SUGCT: variants seen among roughly 807,000 people sequenced by gnomAD.
SUGCT encodes succinyl-CoA:glutarate CoA-transferase.
A neutral mutation model predicts 55.0 loss-of-function variants in SUGCT; 41 were observed. The observed-to-expected ratio is 0.74, with a 90% CI of 0.58 to 0.97. SUGCT has a LOEUF of 0.97. Among genes scored for constraint, SUGCT ranks in the 50% least tolerant of loss-of-function variants. SUGCT has a pLI of 0.00. For missense variants in SUGCT, 568 were observed against 547.8 expected (o/e 1.04, Z -0.37); for synonymous variants, 187 against 200.4 (o/e 0.93, Z 0.56).
chr7:40,961,157 C>T, the SUGCT span, among the ~76,000 whole-genome samples: 1 of 152,220 alleles, frequency 6.6e-6, no homozygotes, highest in African/African-American at 2.4e-5. Context: ...CTTTAAATCA[C>T]ATAGTGGATT....
chr7:40,936,744 C>T, the SUGCT span, among the ~76,000 whole-genome samples: 1 of 151,814 alleles, frequency 6.6e-6, no homozygotes. Flanking sequence ...CCATAAATCT[C>T]TCTCTTAATT....
intron 6 of SUGCT, among the ~76,000 whole-genome samples, chr7:40,233,272 TG>T (rs1357435295): frequency 6.6e-6 from 1 of 151,980 alleles, no homozygotes; most frequent in Non-Finnish European, 1.5e-5. Flanking sequence ...CAGGCTGGAG[TG>T]CAATGGCACG....
chr7:40,217,338 G>GTGGCTCGGACTAC, intron 6 of SUGCT: 1 of 363,880 alleles, frequency 2.7e-6, no homozygotes, highest in South Asian at 2.0e-5. Flanking sequence ...AGCTTCCCAA[G>GTGGCTCGGACTAC]TGGCTCGGAC....
chr7:40,526,438 A>G (rs1187835474), intron 12 of SUGCT, among the ~76,000 whole-genome samples: 2 of 152,188 alleles, frequency 1.3e-5, no homozygotes, highest in Non-Finnish European at 2.9e-5. Flanking sequence ...AATGTACTTC[A>G]TACTTTAATA....
chr7:40,986,094 C>T, the SUGCT span, among the ~76,000 whole-genome samples: 4 of 152,168 alleles, frequency 2.6e-5, no homozygotes, highest in Non-Finnish European at 5.9e-5. Flanking sequence ...ATTTTGTCCT[C>T]TAGCCCATAA....
At chr7:40,789,680 A>T (rs1193421571) in intron 13 of SUGCT, among the ~76,000 whole-genome samples, 3 of 152,196 alleles carry the variant, frequency 2.0e-5, no homozygotes, top group Non-Finnish European at 2.9e-5. Context: ...CTTGAGAGAG[A>T]AAAAGCCTTA....
intron 9 of SUGCT, among the ~76,000 whole-genome samples, chr7:40,318,913 T>C (rs1795577903): frequency 6.6e-6 from 1 of 152,224 alleles, no homozygotes. Context: ...TATATAGACC[T>C]CAGCTATTCC....
At chr7:40,374,941 A>G (rs577878931) in intron 9 of SUGCT, among the ~76,000 whole-genome samples, 1 of 151,954 alleles carries the variant, frequency 6.6e-6, no homozygotes, top group East Asian at 1.9e-4. Context: ...TTGTCCCCCA[A>G]CTCCACTCCC....
the SUGCT span, among the ~76,000 whole-genome samples, chr7:40,890,884 G>C: frequency 4.3e-3 from 647 of 152,224 alleles, 5 homozygotes; most frequent in African/African-American, 0.015. Context: ...AGTTCAGTGA[G>C]ATACAAATGA....
intron 12 of SUGCT, among the ~76,000 whole-genome samples, chr7:40,612,588 A>G (rs1286983530): frequency 6.6e-6 from 1 of 151,922 alleles, no homozygotes; most frequent in Non-Finnish European, 1.5e-5. Context: ...GAATAGCATC[A>G]CCCTCCTTCC....
At chr7:40,361,685 G>A (rs567564854) in intron 9 of SUGCT, among the ~76,000 whole-genome samples, 1 of 152,188 alleles carries the variant, frequency 6.6e-6, no homozygotes, top group Admixed American at 6.5e-5. Flanking sequence ...TTTATTTTGT[G>A]GCTTACTGTA....
In SUGCT at chr7:40,210,210, T is replaced by A. The variant is rs566293763; in HGVS notation, c.484+15150T>A. On this transcript the variant is annotated intron_variant, in intron 6 of 13. Coordinates refer to ENST00000335693, the MANE Select transcript of SUGCT (RefSeq NM_001193313.2). ...ACAGGCATGTGCCACCACGCCCAGCTATTTTTTTTGTATTTTTAGTAGAGA... is the reference window on the plus strand; with the variant it reads ...ACAGGCATGTGCCACCACGCCCAGCAATTTTTTTTGTATTTTTAGTAGAGA... Among the ~76,000 whole-genome samples, 206 of 152,058 alleles carry A rather than the reference T, an allele frequency of 1.4e-3. 1 individual carries two copies. The highest frequency in any genetic ancestry group is 3.4e-3 in the Middle Eastern group (1 of 294).
chr7:40,905,782 G>A, the SUGCT span, among the ~76,000 whole-genome samples: 14 of 151,348 alleles, frequency 9.3e-5, no homozygotes, highest in East Asian at 5.8e-4. Context: ...GCAGTGGTGC[G>A]ATCATAGTTC....
At chr7:40,969,018 C>T in the SUGCT span, among the ~76,000 whole-genome samples, 1 of 152,226 alleles carries the variant, frequency 6.6e-6, no homozygotes, top group Admixed American at 6.5e-5. Flanking sequence ...AGCTCCTGCT[C>T]CAGCCGGCCC....
intron 9 of SUGCT, among the ~76,000 whole-genome samples, chr7:40,321,369 G>A (rs1457436410): frequency 6.6e-6 from 1 of 151,090 alleles, no homozygotes; most frequent in Non-Finnish European, 1.5e-5. Context: ...GAGCCACCGT[G>A]CCCAGCCATT....
chr7:40,966,918 C>A, the SUGCT span: 1 of 152,194 alleles, frequency 6.6e-6, no homozygotes, highest in Non-Finnish European at 1.5e-5. Context: ...GAGGTTGTTT[C>A]AATGAACCCA....
chr7:40,796,938 C>G (rs1477795900), intron 13 of SUGCT, among the ~76,000 whole-genome samples: 1 of 152,128 alleles, frequency 6.6e-6, no homozygotes, highest in African/African-American at 2.4e-5. Context: ...TGAGGAGAAG[C>G]CAGGCACAAT....
At chr7:40,445,572 A>G (rs1035100480) in intron 9 of SUGCT, among the ~76,000 whole-genome samples, 1 of 152,168 alleles carries the variant, frequency 6.6e-6, no homozygotes, top group Admixed American at 6.5e-5. Context: ...ACAGGTACAA[A>G]GAGGAACTGG....
chr7:40,181,992 G>T lies in SUGCT; in HGVS notation c.190G>T (p.Asp64Tyr). The T allele has an allele frequency of 6.2e-7, 1 of 1,602,910 alleles. No homozygotes were observed. Among genetic ancestry groups the T allele is most frequent in the Non-Finnish European group, 8.5e-7 (1 of 1,173,254 alleles). Residue 64 changes from aspartate (D) to tyrosine (Y), a missense_variant, in exon 3 of 14, where the codon GAT becomes TAT. Asp to Tyr is a radical substitution (Grantham distance 160). Coordinates refer to ENST00000335693, the MANE Select transcript of SUGCT (RefSeq NM_001193313.2). Reference protein sequence around the residue: ...AGPFATMNLGDLGAEVIKVER... With the variant: ...AGPFATMNLGYLGAEVIKVER... ...ACCTTTTGCTACTATGAATTTAGGA[G>T]ATCTTGGAGCAGAAGTTATAAAAGT...
Sources: gnomAD v4.1 joint callset for allele counts (sites outside exome capture counted in the v4.1 genomes callset) on GRCh38, gnomAD v4.1.1 for gene constraint, MANE v1.5 for transcripts, NCBI Gene and HGNC (gene_info 2026-07-23, HGNC 2026-07-21) for gene names.